TDRD7: variants seen among roughly 807,000 people sequenced by gnomAD.
TDRD7 encodes the protein tudor domain containing 7, also known as tudor domain-containing protein 7.
A neutral mutation model predicts 109.8 loss-of-function variants in TDRD7; 47 were observed. The observed-to-expected ratio is 0.43, with a 90% CI of 0.34 to 0.55. The LOEUF is 0.55. TDRD7 is among the 20% of genes least tolerant of loss of function. TDRD7 has a pLI of 0.03. For missense variants in TDRD7, 1,164 were observed against 1,319.2 expected (o/e 0.88, Z 1.82); for synonymous variants, 424 against 457.3 (o/e 0.93, Z 0.93).
chr9:97,472,512 T>C lies in TDRD7; in HGVS notation c.1944+17T>C, dbSNP rs373793366. 6 of 1,589,704 alleles carry C rather than the reference T, an allele frequency of 3.8e-6. No individual in the cohort carries two copies. The highest frequency in any genetic ancestry group is 1.7e-4 in the Middle Eastern group (1 of 6,016). On this transcript the variant is annotated intron_variant, in intron 10 of 16. Coordinates refer to ENST00000355295, the MANE Select transcript of TDRD7 (RefSeq NM_014290.3). Reference sequence around the variant, plus strand: ...CACCTGCAGGTACCACTGTGATCACTGTTGTTGCTTGTTACACATTTTGTA... The same window carrying C: ...CACCTGCAGGTACCACTGTGATCACCGTTGTTGCTTGTTACACATTTTGTA...
At chr9:97,449,294 A>G (rs1364359467) in intron 6 of TDRD7, among the ~76,000 whole-genome samples, 1 of 152,116 alleles carries the variant, frequency 6.6e-6, no homozygotes, top group Non-Finnish European at 1.5e-5. Context: ...TAATACTAAC[A>G]CTGTCTACCT....
chr9:97,480,075 A>G (rs1472119355), intron 13 of TDRD7, among the ~76,000 whole-genome samples: 1 of 152,200 alleles, frequency 6.6e-6, no homozygotes, highest in Non-Finnish European at 1.5e-5. Context: ...GGAAGGCAGG[A>G]AGACAGGAAG....
intron 7 of TDRD7, among the ~76,000 whole-genome samples, chr9:97,461,148 A>AAG (rs1828716734): frequency 6.6e-6 from 1 of 152,142 alleles, no homozygotes; most frequent in East Asian, 1.9e-4. Context: ...CTCAAAAAAA[A>AAG]AAAAAAGGAT....
At chr9:97,418,531 C>A (rs1197659861) in intron 1 of TDRD7, among the ~76,000 whole-genome samples, 2 of 150,720 alleles carry the variant, frequency 1.3e-5, no homozygotes, top group Non-Finnish European at 2.9e-5. Flanking sequence ...TACCTGAATG[C>A]CGCTCCTTAA....
intron 16 of TDRD7, among the ~76,000 whole-genome samples, chr9:97,488,635 A>C (rs1334075240): frequency 2.0e-5 from 3 of 150,148 alleles, no homozygotes; most frequent in Non-Finnish European, 4.4e-5. Context: ...TAAATGTGAC[A>C]GTTATACTCC....
intron 4 of TDRD7, among the ~76,000 whole-genome samples, chr9:97,438,071 C>T (rs898368133): frequency 1.3e-5 from 2 of 152,226 alleles, no homozygotes; most frequent in Middle Eastern, 3.4e-3. Context: ...GCCTTCGATG[C>T]TTGTTTAAAG....
chr9:97,462,862 A>T (rs1828750083), intron 7 of TDRD7, among the ~76,000 whole-genome samples: 1 of 152,158 alleles, frequency 6.6e-6, no homozygotes, highest in Non-Finnish European at 1.5e-5. Context: ...CTGCCTGCAG[A>T]TCCCAAGCCA....
intron 6 of TDRD7, among the ~76,000 whole-genome samples, chr9:97,445,603 T>G (rs1828386869): frequency 6.6e-6 from 1 of 152,058 alleles, no homozygotes; most frequent in African/African-American, 2.4e-5. Context: ...GAAAAGCACC[T>G]CAGACAAAAG....
Position 97,482,933 on chromosome 9 carries a change from AATC to A in TDRD7, c.2498_2500del (p.Asn833_Arg834delinsSer). ...CTTCCCTGACCCTCATCGCAGTATTAATCGCCAGATTACAAATGCAGACTTGTG... is the reference window on the plus strand; with the variant it reads ...CTTCCCTGACCCTCATCGCAGTATTAGCCAGATTACAAATGCAGACTTGTG... On this transcript the variant is annotated inframe_deletion, in exon 15 of 17. Transcript: ENST00000355295. 1 of 1,614,218 alleles carries A rather than the reference AATC, an allele frequency of 6.2e-7. No homozygotes were observed. The highest frequency in any genetic ancestry group is 8.5e-7 in the Non-Finnish European group (1 of 1,180,044).
intron 6 of TDRD7, among the ~76,000 whole-genome samples, chr9:97,457,678 A>C (rs1471209045): frequency 6.6e-6 from 1 of 152,120 alleles, no homozygotes; most frequent in African/African-American, 2.4e-5. Context: ...GCACCCGGCC[A>C]CACACGTATG....
chr9:97,459,897 G>A (rs536802761), intron 6 of TDRD7, among the ~76,000 whole-genome samples: 5 of 152,276 alleles, frequency 3.3e-5, no homozygotes, highest in Middle Eastern at 3.4e-3. Flanking sequence ...GAGAGTACAC[G>A]TTACAGGGCA....
At chr9:97,470,706 A>G (rs974736274) in intron 9 of TDRD7, 37 bp downstream of exon 9, 8 of 1,472,226 alleles carry the variant, frequency 5.4e-6, no homozygotes, top group African/African-American at 1.4e-5. Flanking sequence ...CTCCATTTCA[A>G]TAGGCTATTA....
At chr9:97,451,222 C>T (rs927894546) in intron 6 of TDRD7, among the ~76,000 whole-genome samples, 12 of 152,124 alleles carry the variant, frequency 7.9e-5, no homozygotes, top group African/African-American at 2.9e-4. Context: ...ATACGTCACA[C>T]TAAGCATCTC....
intron 1 of TDRD7, among the ~76,000 whole-genome samples, chr9:97,420,185 C>T (rs113051174): frequency 6.6e-6 from 1 of 151,786 alleles, no homozygotes; most frequent in Admixed American, 6.6e-5. Flanking sequence ...GAATACTACT[C>T]ATCAATAAAA....
rs191957998 is a variant in TDRD7 at position 97,431,743 on chromosome 9, T to C, written c.350-282T>C. 5.9e-5 allele frequency among the ~76,000 whole-genome samples: 9 copies of C among 152,122 alleles called. No homozygotes were observed. The East Asian group carries it at 1.7e-3, about 29-fold the overall frequency. On this transcript the variant is annotated intron_variant, in intron 3 of 16. Coordinates refer to ENST00000355295, the MANE Select transcript of TDRD7 (RefSeq NM_014290.3). ...ACGGGAGGACCAAGATATAGCTGAGTGTGCTGTATTTGCAAGAACATGAGG... is the reference window on the plus strand; with the variant it reads ...ACGGGAGGACCAAGATATAGCTGAGCGTGCTGTATTTGCAAGAACATGAGG...
At chr9:97,494,439 TG>T (rs1412633660) in intron 16 of TDRD7, among the ~76,000 whole-genome samples, 1 of 152,170 alleles carries the variant, frequency 6.6e-6, no homozygotes, top group Non-Finnish European at 1.5e-5. Flanking sequence ...ACCTTACCAA[TG>T]GGTTACCTTT....
In TDRD7 at chr9:97,456,035, C is replaced by T. The variant is rs372707400; in HGVS notation, c.856-4143C>T. Among the ~76,000 whole-genome samples the T allele has an allele frequency of 5.9e-5, 9 of 152,200 alleles. No individual in the cohort carries two copies. In the South Asian group the frequency reaches 1.5e-3, roughly 25 times the overall value. On this transcript the variant is annotated intron_variant, in intron 6 of 16. Transcript: ENST00000355295. ...AGCATTTCTTTACACCAACAATAGG[C>T]AAGCAGAGAGCCAAATCATGAATGA...
chr9:97,445,411 T>G (rs1828383570), intron 6 of TDRD7, among the ~76,000 whole-genome samples: 1 of 152,076 alleles, frequency 6.6e-6, no homozygotes, highest in Non-Finnish European at 1.5e-5. Context: ...AATGGGAAAA[T>G]AAACATTGAA....
intron 6 of TDRD7, among the ~76,000 whole-genome samples, chr9:97,459,825 C>A (rs1436507818): frequency 6.6e-6 from 1 of 152,184 alleles, no homozygotes; most frequent in Non-Finnish European, 1.5e-5. Flanking sequence ...AATACCTTTT[C>A]ACAACTTATT....
Sources: allele counts gnomAD v4.1 joint callset (sites outside exome capture counted in the v4.1 genomes callset), GRCh38; gene constraint gnomAD v4.1.1; transcripts MANE v1.5; gene names NCBI Gene and HGNC (gene_info 2026-07-23, HGNC 2026-07-21).